Variants in KANK1 observed in about 807,000 individuals in gnomAD.
The protein encoded by KANK1 is KN motif and ankyrin repeat domain-containing protein 1.
Under a neutral mutation model 106.2 loss-of-function variants are expected in KANK1, and 109 were observed. That is an observed-to-expected ratio of 1.03 (90% CI 0.88 to 1.20). KANK1 has a LOEUF of 1.20. Ranked by LOEUF, KANK1 falls within the 50% of genes most tolerant of loss-of-function variation. The pLI is 0.00. For synonymous variants in KANK1, 873 were observed against 652.2 expected (o/e 1.34, Z -5.16); for missense variants, 2,399 against 1,710.7 (o/e 1.40, Z -7.10).
At chr9:539,417 T>C (rs1168840339) in intron 1 of KANK1, 8 of 152,340 alleles carry the variant, frequency 5.3e-5, no homozygotes, top group African/African-American at 1.9e-4. Context: ...TGTCTTCAGT[T>C]TCTTTTAGCA....
intron 1 of KANK1, among the ~76,000 whole-genome samples, chr9:664,936 C>T (rs74307571): frequency 0.045 from 6,920 of 152,228 alleles, 427 homozygotes; most frequent in East Asian, 0.22. Context: ...TGATGTTGAG[C>T]ACTTCTTATA....
At chr9:687,409 C>A (rs545626601) in intron 2 of KANK1, among the ~76,000 whole-genome samples, 28 of 152,300 alleles carry the variant, frequency 1.8e-4, no homozygotes, top group African/African-American at 6.5e-4. Context: ...CTTATCTTAA[C>A]TCTGAACTTT....
chr9:553,601 T>G (rs916594595), intron 1 of KANK1, among the ~76,000 whole-genome samples: 2 of 152,172 alleles, frequency 1.3e-5, no homozygotes, highest in Non-Finnish European at 2.9e-5. Context: ...ACACAGGGGA[T>G]GAAGTAAATG....
intron 2 of KANK1, among the ~76,000 whole-genome samples, chr9:680,199 G>T (rs762493933): frequency 6.6e-6 from 1 of 152,154 alleles, no homozygotes; most frequent in African/African-American, 2.4e-5. Context: ...CAGGGCAGTG[G>T]CAAAAGAAGC....
chr9:594,375 G>C (rs941686049), intron 1 of KANK1, among the ~76,000 whole-genome samples: 1 of 151,788 alleles, frequency 6.6e-6, no homozygotes, highest in Non-Finnish European at 1.5e-5. Flanking sequence ...AGAATAACTC[G>C]TTCTTCAAAA....
intron 1 of KANK1, among the ~76,000 whole-genome samples, chr9:641,683 TCTAC>T (rs1455003950): frequency 6.6e-6 from 1 of 152,220 alleles, no homozygotes; most frequent in African/African-American, 2.4e-5. Flanking sequence ...GATTTTTTTC[TCTAC>T]CTATCTTACA....
intron 7 of KANK1, among the ~76,000 whole-genome samples, chr9:737,760 G>C (rs970981951): frequency 1.9e-4 from 29 of 152,218 alleles, no homozygotes; most frequent in African/African-American, 6.8e-4. Flanking sequence ...AAGGAGGTGA[G>C]TTTGGTCTGG....
At chr9:522,215 C>T (rs2059585355) in intron 1 of KANK1, among the ~76,000 whole-genome samples, 1 of 151,644 alleles carries the variant, frequency 6.6e-6, no homozygotes, top group Non-Finnish European at 1.5e-5. Flanking sequence ...ATTCTGTTTT[C>T]CCTTTTGCTG....
chr9:632,539 T>C (rs1004793072), intron 1 of KANK1, among the ~76,000 whole-genome samples: 1 of 152,186 alleles, frequency 6.6e-6, no homozygotes, highest in East Asian at 1.9e-4. Context: ...TGTAATTTTT[T>C]ACAACTTCTT....
chr9:741,487 C>CT (rs71314737), intron 9 of KANK1, among the ~76,000 whole-genome samples: 14,600 of 109,014 alleles, frequency 0.13, 1,238 homozygotes, highest in Non-Finnish European at 0.15. Flanking sequence ...CCACACCTGG[C>CT]TTTTTTTTTT....
At chr9:555,399 A>G (rs2061522490) in intron 1 of KANK1, among the ~76,000 whole-genome samples, 1 of 152,212 alleles carries the variant, frequency 6.6e-6, no homozygotes, top group East Asian at 1.9e-4. Context: ...CAGCTTTGTG[A>G]TGATAAACTC....
chr9:652,776 G>A (rs763140370), intron 1 of KANK1, among the ~76,000 whole-genome samples: 1 of 152,204 alleles, frequency 6.6e-6, no homozygotes, highest in African/African-American at 2.4e-5. Context: ...AGCGTTGATA[G>A]TAGTAGAATT....
Position 712,907 on chromosome 9 carries a change from C to G in KANK1, c.2141C>G (p.Thr714Arg). 6.2e-7 allele frequency: 1 copy of G among 1,614,032 alleles called. No individual in the cohort carries two copies. The highest frequency in any genetic ancestry group is 1.3e-5 in the African/African-American group (1 of 75,010). Residue 714 changes from threonine to arginine, a missense_variant, in exon 3 of 12, where the codon ACG becomes AGG. Coordinates refer to ENST00000382297, the MANE Select transcript of KANK1 (RefSeq NM_015158.5). ...CAGACCAGCACCCAGACTGTGGAGACGCGGACAGTAGCTGTAGGAGAAGGC... is the reference window on the plus strand; with the variant it reads ...CAGACCAGCACCCAGACTGTGGAGAGGCGGACAGTAGCTGTAGGAGAAGGC... ...DKQTSTQTVE[T>R]RTVAVGEGRV...
At chr9:521,867 T>A (rs1406592614) in intron 1 of KANK1, among the ~76,000 whole-genome samples, 1 of 151,568 alleles carries the variant, frequency 6.6e-6, no homozygotes, top group African/African-American at 2.4e-5. Context: ...TGTGCCTGGC[T>A]CAGATTCTTT....
intron 1 of KANK1, among the ~76,000 whole-genome samples, chr9:652,114 C>G (rs1228431023): frequency 6.6e-6 from 1 of 152,266 alleles, no homozygotes; most frequent in East Asian, 1.9e-4. Flanking sequence ...TTTTCTTCAT[C>G]TCACAGATTC....
chr9:745,181 T>C lies in KANK1; in HGVS notation c.4005T>C (p.Pro1335=), dbSNP rs1301798968. Reference sequence around the variant, plus strand: ...CCTTTCCTGGTCTCTAGGGCACCCCTAGGCTTGGAAGGAAGACGTCTCCTG... The same window carrying C: ...CCTTTCCTGGTCTCTAGGGCACCCCCAGGCTTGGAAGGAAGACGTCTCCTG... ...NFAKAQSPGT[P]RLGRKTSPGP... The change falls in exon 12 of 12, where the codon CCT becomes CCC. Residue 1335 remains proline, a synonymous_variant. Transcript: ENST00000382297. 1.2e-6 allele frequency: 2 copies of C among 1,614,120 alleles called. No individual in the cohort carries two copies. The highest frequency in any genetic ancestry group is 1.7e-6 in the Non-Finnish European group (2 of 1,179,984).
At chr9:550,818 C>G (rs1321510835) in intron 1 of KANK1, among the ~76,000 whole-genome samples, 1 of 152,138 alleles carries the variant, frequency 6.6e-6, no homozygotes, top group Non-Finnish European at 1.5e-5. Flanking sequence ...CATCCTATTT[C>G]TTTTTCCATT....
rs554860565 is a variant in KANK1 at position 590,139 on chromosome 9, G to A, written c.-84+85385G>A. Among the ~76,000 whole-genome samples, 16 of 152,246 alleles carry A rather than the reference G, an allele frequency of 1.1e-4. 1 individual carries two copies. The South Asian group carries it at 3.3e-3, about 32-fold the overall frequency. ...AGCTGTTGGGCTGTGCTCCTGTCTAGGTACCTTTTCCTCAGGAGTTAAGTG... is the reference window on the plus strand; with the variant it reads ...AGCTGTTGGGCTGTGCTCCTGTCTAAGTACCTTTTCCTCAGGAGTTAAGTG... On this transcript the variant is annotated intron_variant, in intron 1 of 11. Coordinates refer to ENST00000382297, the MANE Select transcript of KANK1 (RefSeq NM_015158.5).
At chr9:635,440 C>T (rs772506573) in intron 1 of KANK1, among the ~76,000 whole-genome samples, 12 of 152,170 alleles carry the variant, frequency 7.9e-5, no homozygotes, top group Non-Finnish European at 1.5e-4. Flanking sequence ...TAGAGAACCA[C>T]AGACCCTGAC....
Sources: allele counts gnomAD v4.1 joint callset (sites outside exome capture counted in the v4.1 genomes callset), GRCh38; gene constraint gnomAD v4.1.1; transcripts MANE v1.5; gene names NCBI Gene and HGNC (gene_info 2026-07-23, HGNC 2026-07-21).